The following MUC20 variants were observed in gnomAD, a reference collection of about 807,000 sequenced individuals.
MUC20 encodes mucin-20.
Under a neutral mutation model 23.8 loss-of-function variants are expected in MUC20, and 14 were observed. That is an observed-to-expected ratio of 0.59 (90% CI 0.39 to 0.92). The LOEUF (loss-of-function observed/expected upper bound fraction) is 0.92. Among genes scored for constraint, MUC20 ranks in the 40% least tolerant of loss-of-function variants. The probability of loss-of-function intolerance (pLI) is 0.00; values close to 1 mark genes in which losing one functional copy is unlikely to be tolerated. For synonymous variants in MUC20, 166 were observed against 279.3 expected (o/e 0.59, Z 4.04); for missense variants, 375 against 668.8 (o/e 0.56, Z 4.85).
intron 1 of MUC20, 102 bp downstream of exon 1, chr3:195,721,185 G>A (rs9872135): frequency 0.03 from 39,672 of 1,324,220 alleles, no homozygotes; most frequent in African/African-American, 0.093. Context: ...AGGCTCTCTC[G>A]GGTTGATTAT....
intron 2 of MUC20, among the ~76,000 whole-genome samples, chr3:195,728,473 A>G (rs555715856): frequency 6.6e-6 from 1 of 152,288 alleles, no homozygotes; most frequent in African/African-American, 2.4e-5. Context: ...AGCAGAGTAA[A>G]GAATAATAAA....
chr3:195,727,317 T>G (rs1488234867), intron 2 of MUC20, among the ~76,000 whole-genome samples: 2 of 152,252 alleles, frequency 1.3e-5, no homozygotes, highest in East Asian at 3.8e-4. Context: ...GGAGAATCAC[T>G]TGAACCCGGG....
At chr3:195,731,623 A>AGGGG (rs1432402991) in intron 3 of MUC20, among the ~76,000 whole-genome samples, 1 of 152,252 alleles carries the variant, frequency 6.6e-6, no homozygotes, top group East Asian at 1.9e-4. Context: ...GCCACAGCCA[A>AGGGG]GGGGCATCAC....
rs554198408 is a variant in MUC20, at chr3:195,726,001, A to T, written c.1398A>T (p.Glu466Asp). 1 of 1,446,188 alleles carries T rather than the reference A, an allele frequency of 6.9e-7. No individual in the cohort carries two copies. The highest frequency in any genetic ancestry group is 1.5e-5 in the African/African-American group (1 of 68,770). 89.6% of individuals were successfully genotyped at this position (1,446,188 alleles called of 1,614,324 possible). A position where few individuals can be genotyped will look rare whatever the true frequency, so the allele number is the denominator to read the frequency against. Reference sequence around the variant, plus strand: ...CACCAGCTCTGCCTGACTCCACTGAAGCAAAACCACACATCACTGAGGTCA... The same window carrying T: ...CACCAGCTCTGCCTGACTCCACTGATGCAAAACCACACATCACTGAGGTCA... Reference protein sequence around the residue: ...SDPPALPDSTEAKPHITEVTA... With the variant: ...SDPPALPDSTDAKPHITEVTA... Residue 466 changes from glutamate to aspartate, a missense_variant, in exon 2 of 4, where the codon GAA becomes GAT. Transcript: ENST00000447234.
rs781393465 is a variant in MUC20, at chr3:195,726,018, C to T, written c.1415C>T (p.Thr472Ile). ...PDSTEAKPHI[T>I]EVTASAETLS... Reference sequence around the variant, plus strand: ...TCCACTGAAGCAAAACCACACATCACTGAGGTCACAGCCTCTGCCGAGACC... The same window carrying T: ...TCCACTGAAGCAAAACCACACATCATTGAGGTCACAGCCTCTGCCGAGACC... The change falls in exon 2 of 4, where the codon ACT becomes ATT. Residue 472 changes from threonine (T) to isoleucine (I), a missense_variant. Around this residue, in one of 4 missense-constraint regions of MUC20, gnomAD observed 343 missense variants for 340.2 expected, o/e 1.01. Transcript: ENST00000447234. 1.6e-5 allele frequency: 26 copies of T among 1,613,954 alleles called. No homozygotes were observed. The highest frequency in any genetic ancestry group is 2.0e-5 in the Non-Finnish European group (24 of 1,179,908).
At chr3:195,732,062 G>A (rs1713446658) in intron 3 of MUC20, among the ~76,000 whole-genome samples, 1 of 152,232 alleles carries the variant, frequency 6.6e-6, no homozygotes, top group African/African-American at 2.4e-5. Context: ...GGAGTGCAGT[G>A]GTGCGATCTT....
In MUC20 at chr3:195,730,099, C is replaced by A. The variant is rs1308439717; in HGVS notation, c.2061+360C>A. On this transcript the variant is annotated intron_variant, in intron 3 of 3. Transcript: ENST00000447234. ...GAAACCCAAGTCAGGGCAGTTTATG[C>A]AAAAAAAAAAAAAAAAAAAAAAAGG... is the stretch of plus-strand genomic sequence containing the variant. 481 of 93,100 alleles carry A rather than the reference C, an allele frequency of 5.2e-3. 1 individual carries two copies. Among genetic ancestry groups the A allele is most frequent in the African/African-American group, 8.6e-3 (186 of 21,740 alleles). The allele number at this position is 93,100 out of a possible 1,614,324, so 5.8% of individuals were successfully genotyped here.
At position 195,726,396 on chromosome 3, in the gene MUC20, G is replaced by A. The variant is rs533915346; in HGVS notation, c.1793G>A (p.Gly598Glu). Residue 598 changes from glycine to glutamate, a missense_variant, in exon 2 of 4, where the codon GGG (glycine) becomes GAG (glutamate). This residue lies in a region of MUC20 where 343 missense variants were observed against 340.2 expected (regional missense o/e 1.01). Transcript: ENST00000447234. ...ETPTMDIATK[G>E]PFPTSRDPLP... ...CCGACCATGGACATCGCAACCAAGGGGCCCTTCCCCACCAGCAGGGACCCT... is the reference window on the plus strand; with the variant it reads ...CCGACCATGGACATCGCAACCAAGGAGCCCTTCCCCACCAGCAGGGACCCT... The A allele has an allele frequency of 1.9e-6, 3 of 1,614,006 alleles. No individual in the cohort carries two copies. The highest frequency in any genetic ancestry group is 1.1e-5 in the South Asian group (1 of 91,068).
rs1161943590 is a variant in MUC20, at chr3:195,726,224, C to A, written c.1621C>A (p.Pro541Thr). The stretch of plus-strand genomic sequence containing the variant: ...AACCTCAGCCCTCTCTGTTGAGACA[C>A]CAAGTTACGTCAAAGTCTCAGGAGC... The part of the protein sequence containing the change: ...EETSALSVET[P>T]SYVKVSGAAP... The change falls in exon 2 of 4, where the codon CCA becomes ACA. Residue 541 changes from proline (P) to threonine (T), a missense_variant. Pro to Thr is a conservative substitution (Grantham distance 38, BLOSUM62 -1). Transcript: ENST00000447234. 3.1e-6 allele frequency: 5 copies of A among 1,613,582 alleles called. No homozygotes were observed. The Admixed American group carries it at 5.0e-5, about 16-fold the overall frequency.
In MUC20 at chr3:195,729,757, G is replaced by A. The variant is rs376394714; in HGVS notation, c.2061+18G>A. The A allele has an allele frequency of 3.3e-5, 52 of 1,579,566 alleles. No homozygotes were observed. The highest frequency in any genetic ancestry group is 6.9e-5 in the East Asian group (3 of 43,270). The stretch of plus-strand genomic sequence containing the variant: ...TGCAGCAGGTGAGTGGGCACTTTCC[G>A]GGCCAGGGGAGTAGAGGAAGGGGCG... On this transcript the variant is annotated intron_variant, in intron 3 of 3. Coordinates refer to ENST00000447234, the MANE Select transcript of MUC20 (RefSeq NM_001282506.2).
At chr3:195,728,923 C>G (rs1309676538) in intron 2 of MUC20, among the ~76,000 whole-genome samples, 1 of 152,106 alleles carries the variant, frequency 6.6e-6, no homozygotes, top group African/African-American at 2.4e-5. Flanking sequence ...TCCCTTAAAC[C>G]TTGATTTTAT....
chr3:195,729,666 TC>T lies in MUC20; in HGVS notation c.1990del (p.Leu664SerfsTer4), dbSNP rs565441763. 22 of 1,588,220 alleles carry T rather than the reference TC, an allele frequency of 1.4e-5. No individual in the cohort carries two copies. In the Admixed American group the frequency reaches 1.6e-4, roughly 11 times the overall value. On this transcript the variant is annotated frameshift_variant, in exon 3 of 4. Coordinates refer to ENST00000447234, the MANE Select transcript of MUC20 (RefSeq NM_001282506.2). LOFTEE classifies it high-confidence loss of function. ...TTTGCAGGTGAAAATGGAGGTTTCC[TC>T]CTCCTGCGGCTGAGTGTGGCTTCCC... ...DVSAGENGGF[L>X]LLRLSVASPE...
chr3:195,726,077 C>G lies in MUC20; in HGVS notation c.1474C>G (p.Pro492Ala). ...STAGTTESAA[P>A]DATVGTPLPT... ...AGCCGGCACCACAGAGTCAGCTGCA[C>G]CTGATGCCACGGTTGGGACCCCACT... The change falls in exon 2 of 4, where the codon CCT becomes GCT. Residue 492 changes from proline to alanine, a missense_variant. By Grantham distance (27) the Pro-to-Ala change is conservative (BLOSUM62 -1). Transcript: ENST00000447234. The G allele has an allele frequency of 1.2e-6, 2 of 1,613,218 alleles. No individual in the cohort carries two copies. The highest frequency in any genetic ancestry group is 1.7e-6 in the Non-Finnish European group (2 of 1,179,316).
intron 3 of MUC20, 148 bp from the exon 4 acceptor site, chr3:195,733,002 C>A: frequency 1.3e-6 from 1 of 795,460 alleles, no homozygotes; most frequent in Non-Finnish European, 2.1e-6. Context: ...GTGTGTGAGG[C>A]ACCAGCCTGT....
chr3:195,730,356 T>C (rs1391377350), intron 3 of MUC20, among the ~76,000 whole-genome samples: 2 of 152,284 alleles, frequency 1.3e-5, no homozygotes, highest in Non-Finnish European at 2.9e-5. Context: ...TCTTTCTTTT[T>C]GTTTTTTGAG....
At chr3:195,730,140 C>T (rs1354436489) in intron 3 of MUC20, 11 of 176,482 alleles carry the variant, frequency 6.2e-5, no homozygotes, top group Non-Finnish European at 1.3e-4. Flanking sequence ...TCTGAGAAAC[C>T]TACAAGTGTC....
At chr3:195,729,763 G>A (rs1400410419) in intron 3 of MUC20, 24 bp downstream of exon 3, 3 of 1,572,700 alleles carry the variant, frequency 1.9e-6, no homozygotes, top group East Asian at 4.7e-5. Flanking sequence ...TTCCGGGCCA[G>A]GGGAGTAGAG....
chr3:195,732,406 C>T (rs567791458), intron 3 of MUC20, among the ~76,000 whole-genome samples: 293 of 152,100 alleles, frequency 1.9e-3, no homozygotes, highest in African/African-American at 6.7e-3. Flanking sequence ...GTCGTCCAGG[C>T]TGGAGTGCAA....
intron 1 of MUC20, among the ~76,000 whole-genome samples, chr3:195,721,356 A>G (rs1712076573): frequency 6.6e-6 from 1 of 152,098 alleles, no homozygotes; most frequent in African/African-American, 2.4e-5. Flanking sequence ...ACGCTAATCA[A>G]CCATGACGCT....
Sources: gnomAD v4.1 joint callset for allele counts (sites outside exome capture counted in the v4.1 genomes callset) on GRCh38, gnomAD v4.1.1 for gene constraint, gnomAD v4.1.1 regional missense constraint, MANE v1.5 for transcripts, NCBI Gene and HGNC (gene_info 2026-07-23, HGNC 2026-07-21) for gene names.